Variants in SDK2 observed in about 807,000 individuals in gnomAD.
SDK2 encodes protein sidekick-2.
In SDK2, 105 loss-of-function variants were observed where a neutral mutation model predicts 253.9. The observed-to-expected ratio is 0.41, with a 90% confidence interval of 0.35 to 0.49. The LOEUF (loss-of-function observed/expected upper bound fraction) is 0.49. Among genes scored for constraint, SDK2 ranks in the 20% least tolerant of loss-of-function variants. The pLI, the probability that SDK2 is intolerant of heterozygous loss-of-function variation, is 0.06. For missense variants in SDK2, 2,608 were observed against 3,003.0 expected, an observed-to-expected ratio of 0.87 and a Z score of 3.07; for synonymous variants, 1,249 against 1,234.9, an observed-to-expected ratio of 1.01 and a Z score of -0.24.
chr17:73,437,873 C>T, intron 7 of SDK2, 51 bp from the exon 8 acceptor site: 1 of 1,609,964 alleles, frequency 6.2e-7, no homozygotes, highest in Non-Finnish European at 8.5e-7. Context: ...TCGCTTTGAT[C>T]CAGCCACTGT....
chr17:73,570,283 A>G lies in SDK2; in HGVS notation c.65-62686T>C, dbSNP rs2045366058. ...TCCTACCACCCCATAGGAGTGGTAG[A>G]CCCCGTCTACACCGGGTCCAGAAAC... is the stretch of plus-strand genomic sequence containing the variant. On this transcript the variant is annotated intron_variant, in intron 1 of 44. Transcript: ENST00000392650. The surrounding 1 kb of genome is among the most constrained non-coding windows in gnomAD (Gnocchi z 4.2). 6.6e-6 allele frequency among the ~76,000 whole-genome samples: 1 copy of G among 151,798 alleles called. No homozygotes were observed. Among genetic ancestry groups the G allele is most frequent in the Non-Finnish European group, 1.5e-5 (1 of 67,924 alleles).
chr17:73,349,672 A>T (rs1280233885), intron 43 of SDK2, among the ~76,000 whole-genome samples: 1 of 152,206 alleles, frequency 6.6e-6, no homozygotes, highest in African/African-American at 2.4e-5. Context: ...CTGCTTTCAG[A>T]TGCTGCCCTT....
chr17:73,567,262 G>A (rs1403949913), intron 1 of SDK2, among the ~76,000 whole-genome samples: 1 of 152,224 alleles, frequency 6.6e-6, no homozygotes, highest in Non-Finnish European at 1.5e-5. Flanking sequence ...GAGGGCATAC[G>A]CCATAAGACT....
At chr17:73,432,767 C>A (rs1345779749) in intron 10 of SDK2, among the ~76,000 whole-genome samples, 1 of 151,886 alleles carries the variant, frequency 6.6e-6, no homozygotes, top group South Asian at 2.1e-4. Flanking sequence ...TGTGTTTGTA[C>A]GTGTGTGTGC....
intron 2 of SDK2, among the ~76,000 whole-genome samples, chr17:73,506,751 C>T (rs1358752459): frequency 6.6e-6 from 1 of 152,166 alleles, no homozygotes; most frequent in African/African-American, 2.4e-5. Context: ...TCTGTGGCTG[C>T]GAGGAAAGGC....
At chr17:73,579,329 C>T (rs533328480) in intron 1 of SDK2, among the ~76,000 whole-genome samples, 1 of 152,302 alleles carries the variant, frequency 6.6e-6, no homozygotes, top group African/African-American at 2.4e-5. Flanking sequence ...GGGGTCAGGC[C>T]TCTGCTGCCC....
intron 32 of SDK2, among the ~76,000 whole-genome samples, chr17:73,385,237 C>T (rs891858981): frequency 2.6e-5 from 4 of 152,144 alleles, no homozygotes; most frequent in Non-Finnish European, 4.4e-5. Flanking sequence ...GAGGGCTCCG[C>T]GGGGCAGGAC....
chr17:73,434,275 C>T (rs79904856), intron 9 of SDK2, among the ~76,000 whole-genome samples: 4 of 152,242 alleles, frequency 2.6e-5, no homozygotes, highest in African/African-American at 9.6e-5. Context: ...CTAAGTGGCC[C>T]TGCCCCAGGA....
chr17:73,629,338 G>A lies in SDK2; in HGVS notation c.64+14687C>T, dbSNP rs1055964594. On this transcript the variant is annotated intron_variant, in intron 1 of 44. Coordinates refer to ENST00000392650, the MANE Select transcript of SDK2 (RefSeq NM_001144952.2). This position sits in a 1 kb window ranked among gnomAD's most constrained non-coding sequence, Gnocchi z 5.0. ...CCCACATGTGCTTAGATGATTCACC[G>A]TGGTTTAAGCTGCTGTTTCCCTCCT... is the stretch of plus-strand genomic sequence containing the variant. Among the ~76,000 whole-genome samples, 2 of 152,124 alleles carry A rather than the reference G, an allele frequency of 1.3e-5. No homozygotes were observed. The highest frequency in any genetic ancestry group is 2.4e-5 in the African/African-American group (1 of 41,428).
chr17:73,369,461 G>A (rs975202204), intron 36 of SDK2, among the ~76,000 whole-genome samples: 4 of 152,244 alleles, frequency 2.6e-5, no homozygotes, highest in Non-Finnish European at 2.9e-5. Context: ...ATACAGCAGC[G>A]GGACCTGGCC....
Position 73,435,521 on chromosome 17 carries a change from G to T in SDK2, c.1124C>A (p.Thr375Asn). The T allele has an allele frequency of 6.2e-7, 1 of 1,600,018 alleles. No individual in the cohort carries two copies. Among genetic ancestry groups the T allele is most frequent in the Non-Finnish European group, 8.5e-7 (1 of 1,173,748 alleles). Residue 375 changes from threonine (T) to asparagine (N), a missense_variant, in exon 9 of 45, where the codon ACC becomes AAC. By Grantham distance (65) the Thr-to-Asn change is moderately conservative. Around this residue, in one of 2 missense-constraint regions of SDK2, gnomAD observed 1,505 missense variants for 1,859.1 expected, o/e 0.81. Coordinates refer to ENST00000392650, the MANE Select transcript of SDK2 (RefSeq NM_001144952.2). The surrounding 1 kb of genome is among the most constrained non-coding windows in gnomAD (Gnocchi z 5.7). ...LQISGLVPDD[T>N]GMFQCFARNA... is the part of the protein sequence containing the mutation. ...GCGGGCGAAGCACTGGAACATGCCG[G>T]TATCATCGGGCACCAGGCCGCTGAT...
At chr17:73,584,277 G>A (rs1238524248) in intron 1 of SDK2, among the ~76,000 whole-genome samples, 1 of 152,234 alleles carries the variant, frequency 6.6e-6, no homozygotes, top group Non-Finnish European at 1.5e-5. Context: ...CATGGGGCTG[G>A]GAGTGAGGGT....
At chr17:73,505,559 C>CTCA (rs150648813) in intron 2 of SDK2, among the ~76,000 whole-genome samples, 5 of 148,908 alleles carry the variant, frequency 3.4e-5, no homozygotes, top group Non-Finnish European at 7.4e-5. Context: ...ATAGCTGGAC[C>CTCA]TCATCATCAT....
intron 1 of SDK2, among the ~76,000 whole-genome samples, chr17:73,632,596 C>T (rs2046284041): frequency 6.6e-6 from 1 of 152,150 alleles, no homozygotes; most frequent in African/African-American, 2.4e-5. Flanking sequence ...TGTGGGACTT[C>T]ACTTTCTGAC....
intron 2 of SDK2, among the ~76,000 whole-genome samples, chr17:73,494,643 C>T (rs768949176): frequency 1.7e-4 from 26 of 152,182 alleles, no homozygotes; most frequent in Non-Finnish European, 3.1e-4. Context: ...ACTCAAGGCA[C>T]AAGGAGCCAG....
chr17:73,370,717 G>C (rs181100314), intron 36 of SDK2, among the ~76,000 whole-genome samples: 30 of 152,104 alleles, frequency 2.0e-4, no homozygotes, highest in Non-Finnish European at 4.1e-4. Flanking sequence ...TACCACACCT[G>C]GCTATTTCTT....
intron 9 of SDK2, among the ~76,000 whole-genome samples, chr17:73,434,319 G>A (rs2063350990): frequency 6.6e-6 from 1 of 152,254 alleles, no homozygotes; most frequent in South Asian, 2.1e-4. Flanking sequence ...TTTAGGGTTG[G>A]GGCAGCCTCC....
rs1045914537 is a variant in SDK2 at position 73,383,115 on chromosome 17, C to T, written c.4705+761G>A. On this transcript the variant is annotated intron_variant, in intron 33 of 44. Transcript: ENST00000392650. The surrounding 1 kb of genome is among the most constrained non-coding windows in gnomAD (Gnocchi z 4.3). ...CTCCCATACTGGCCTCGGTCCACCCCGAGTCTGTGCCTCGGTTCCAACCTC... is the reference window on the plus strand; with the variant it reads ...CTCCCATACTGGCCTCGGTCCACCCTGAGTCTGTGCCTCGGTTCCAACCTC... Among the ~76,000 whole-genome samples, 1 of 152,206 alleles carries T rather than the reference C, an allele frequency of 6.6e-6. No individual in the cohort carries two copies.
At chr17:73,588,129 T>C (rs1230351691) in intron 1 of SDK2, among the ~76,000 whole-genome samples, 3 of 151,826 alleles carry the variant, frequency 2.0e-5, no homozygotes, top group Non-Finnish European at 4.4e-5. Flanking sequence ...TCCCAGCACT[T>C]TGGGAGGCCG....
Sources: gnomAD v4.1 joint callset for allele counts (sites outside exome capture counted in the v4.1 genomes callset) on GRCh38, gnomAD v4.1.1 for gene constraint, gnomAD v4.1.1 regional missense constraint, Gnocchi (gnomAD v3.1) non-coding constraint, MANE v1.5 for transcripts, NCBI Gene and HGNC (gene_info 2026-07-23, HGNC 2026-07-21) for gene names.